Variants in TSHZ2 observed in about 807,000 individuals in gnomAD.
TSHZ2 encodes teashirt zinc finger homeobox 2, also known as teashirt homolog 2.
In TSHZ2, 21 loss-of-function variants were observed where a neutral mutation model predicts 74.4. That is an observed-to-expected ratio of 0.28 (90% confidence interval 0.20 to 0.41). The LOEUF is 0.41. Ranked by LOEUF, TSHZ2 falls within the 10% of genes least tolerant of loss-of-function variation. TSHZ2 has a pLI of 1.00. For missense variants in TSHZ2, 1,244 were observed against 1,293.5 expected (o/e 0.96, Z 0.59); for synonymous variants, 540 against 515.3 (o/e 1.05, Z -0.65).
intron 1 of TSHZ2, among the ~76,000 whole-genome samples, chr20:53,239,175 G>T (rs1364449475): frequency 6.6e-6 from 1 of 152,148 alleles, no homozygotes; most frequent in Non-Finnish European, 1.5e-5. Flanking sequence ...TTGTCTCCCA[G>T]TTGTGACAAT....
At chr20:53,163,634 G>A (rs1029512049) in intron 1 of TSHZ2, among the ~76,000 whole-genome samples, 2 of 151,974 alleles carry the variant, frequency 1.3e-5, no homozygotes, top group African/African-American at 4.8e-5. Flanking sequence ...AGTAGCTGTG[G>A]TGTGGGCTAT....
At chr20:53,224,863 A>AG (rs1215296991) in intron 1 of TSHZ2, among the ~76,000 whole-genome samples, 1 of 152,060 alleles carries the variant, frequency 6.6e-6, no homozygotes, top group Admixed American at 6.6e-5. Flanking sequence ...AAAAAAAAAA[A>AG]AAAAAAAGAA....
intron 1 of TSHZ2, among the ~76,000 whole-genome samples, chr20:53,021,030 C>T (rs1159235397): frequency 1.3e-5 from 2 of 151,802 alleles, no homozygotes; most frequent in African/African-American, 4.8e-5. Flanking sequence ...TAGCATAGGT[C>T]TGGACAGAGG....
chr20:53,225,937 G>A (rs992817701), intron 1 of TSHZ2, among the ~76,000 whole-genome samples: 1 of 152,116 alleles, frequency 6.6e-6, no homozygotes, highest in African/African-American at 2.4e-5. Context: ...TACTATGGAT[G>A]TATTTATGTA....
At chr20:53,224,831 C>T (rs908977489) in intron 1 of TSHZ2, among the ~76,000 whole-genome samples, 1 of 135,928 alleles carries the variant, frequency 7.4e-6, no homozygotes, top group Admixed American at 8.9e-5. Flanking sequence ...GCCTGGGTGA[C>T]AGAGCAAGAC....
chr20:53,049,257 C>T (rs1984339342), intron 1 of TSHZ2, among the ~76,000 whole-genome samples: 1 of 152,110 alleles, frequency 6.6e-6, no homozygotes, highest in South Asian at 2.1e-4. Flanking sequence ...TCCATGACTC[C>T]AATTTTGTGT....
At chr20:53,036,851 G>A (rs1983841348) in intron 1 of TSHZ2, among the ~76,000 whole-genome samples, 1 of 149,676 alleles carries the variant, frequency 6.7e-6, no homozygotes, top group Admixed American at 6.7e-5. Flanking sequence ...TATTATATAT[G>A]TGTAGATAGA....
intron 2 of TSHZ2, among the ~76,000 whole-genome samples, chr20:53,476,780 T>C (rs1435027565): frequency 2.0e-5 from 3 of 146,684 alleles, no homozygotes; most frequent in Non-Finnish European, 4.5e-5. Flanking sequence ...CACCCCAAAA[T>C]CTCCTTAAGC....
chr20:53,157,569 G>A (rs6097262), intron 1 of TSHZ2, among the ~76,000 whole-genome samples: 12,723 of 151,894 alleles, frequency 0.084, 1,319 homozygotes, highest in African/African-American at 0.25. Flanking sequence ...ACCATGCCAC[G>A]CCCCGAATTG....
chr20:52,978,312 C>G (rs1175040356), intron 1 of TSHZ2, among the ~76,000 whole-genome samples: 1 of 152,134 alleles, frequency 6.6e-6, no homozygotes, highest in Non-Finnish European at 1.5e-5. Flanking sequence ...CTGAGCTTAT[C>G]AAGTCAACCA....
chr20:53,394,266 C>A (rs1330636328), intron 2 of TSHZ2, among the ~76,000 whole-genome samples: 1 of 152,144 alleles, frequency 6.6e-6, no homozygotes. Context: ...GAACCGATGT[C>A]CCCAGTTGAG....
At chr20:53,483,162 C>A (rs1986202731) in intron 2 of TSHZ2, among the ~76,000 whole-genome samples, 1 of 151,716 alleles carries the variant, frequency 6.6e-6, no homozygotes, top group African/African-American at 2.4e-5. Context: ...TGGCCAGGTG[C>A]AGTGGCTCAC....
chr20:52,983,802 G>T (rs1156528664), intron 1 of TSHZ2, among the ~76,000 whole-genome samples: 2 of 152,218 alleles, frequency 1.3e-5, no homozygotes, highest in Non-Finnish European at 2.9e-5. Flanking sequence ...GGATGGAGGG[G>T]AAGGAGTGGA....
chr20:53,185,733 G>A, intron 1 of TSHZ2: 1 of 1,535,036 alleles, frequency 6.5e-7, no homozygotes, highest in South Asian at 1.2e-5. Context: ...CTATTCTCTT[G>A]CTAAATGGAT....
intron 1 of TSHZ2, among the ~76,000 whole-genome samples, chr20:53,034,635 A>G (rs1386666170): frequency 6.6e-6 from 1 of 152,262 alleles, no homozygotes; most frequent in African/African-American, 2.4e-5. Flanking sequence ...AGGAAGGAAC[A>G]TGAAAACAGT....
At chr20:53,437,825 G>C (rs1423385577) in intron 2 of TSHZ2, among the ~76,000 whole-genome samples, 1 of 152,196 alleles carries the variant, frequency 6.6e-6, no homozygotes, top group Non-Finnish European at 1.5e-5. Context: ...TGTAAAAAAA[G>C]TGTGACACCT....
chr20:53,459,506 T>A (rs1985260819), intron 2 of TSHZ2, among the ~76,000 whole-genome samples: 1 of 146,724 alleles, frequency 6.8e-6, no homozygotes, highest in Admixed American at 6.9e-5. Context: ...CTTGACTCTT[T>A]ATCCAATTTG....
At chr20:53,166,786 A>T (rs535401521) in intron 1 of TSHZ2, among the ~76,000 whole-genome samples, 1 of 152,164 alleles carries the variant, frequency 6.6e-6, no homozygotes, top group Non-Finnish European at 1.5e-5. Context: ...TAATAATAAT[A>T]AAATAAAAAA....
intron 1 of TSHZ2, among the ~76,000 whole-genome samples, chr20:53,176,601 G>A (rs1988344015): frequency 6.6e-6 from 1 of 151,986 alleles, no homozygotes; most frequent in African/African-American, 2.4e-5. Flanking sequence ...CAGGGCTTAA[G>A]TCAAGAGTAA....
Sources: allele counts gnomAD v4.1 joint callset (sites outside exome capture counted in the v4.1 genomes callset), GRCh38; gene constraint gnomAD v4.1.1; transcripts MANE v1.5; gene names NCBI Gene and HGNC (gene_info 2026-07-23, HGNC 2026-07-21).